The following TCF12 variants were observed in gnomAD, a reference collection of about 807,000 sequenced individuals.
TCF12 encodes transcription factor 12.
Under a neutral mutation model 86.0 loss-of-function variants are expected in TCF12, and 45 were observed. The observed-to-expected ratio is 0.52, with a 90% CI of 0.41 to 0.67. The LOEUF (loss-of-function observed/expected upper bound fraction) is 0.67, where lower values mean the gene tolerates loss of function less well. Ranked by LOEUF, TCF12 falls within the 30% of genes least tolerant of loss-of-function variation. TCF12 has a pLI of 0.00. For synonymous variants in TCF12, 330 were observed against 299.6 expected (o/e 1.10, Z -1.05); for missense variants, 881 against 859.9 (o/e 1.02, Z -0.31).
intron 3 of TCF12, among the ~76,000 whole-genome samples, chr15:56,928,859 A>C (rs571189158): frequency 6.6e-6 from 1 of 152,204 alleles, no homozygotes; most frequent in East Asian, 1.9e-4. Context: ...ACTGGAAAGG[A>C]TAGAACGCCT....
chr15:57,065,576 T>G (rs907159874), intron 4 of TCF12, among the ~76,000 whole-genome samples: 1 of 152,148 alleles, frequency 6.6e-6, no homozygotes, highest in African/African-American at 2.4e-5. Context: ...CATTAAATGG[T>G]GCCTGGGTGC....
intron 3 of TCF12, among the ~76,000 whole-genome samples, chr15:56,987,657 T>C (rs2063261704): frequency 6.6e-6 from 1 of 152,224 alleles, no homozygotes; most frequent in Non-Finnish European, 1.5e-5. Context: ...AAAAAGTTAT[T>C]TTTACATTTT....
At chr15:57,219,150 A>G (rs911079467) in intron 8 of TCF12, 1 of 1,067,900 alleles carries the variant, frequency 9.4e-7, no homozygotes, top group Non-Finnish European at 1.1e-6. Flanking sequence ...ATCTGTCAGT[A>G]TGCCTTCCTT....
At chr15:57,233,203 C>T (rs1469816940) in intron 11 of TCF12, among the ~76,000 whole-genome samples, 2 of 151,482 alleles carry the variant, frequency 1.3e-5, no homozygotes, top group Non-Finnish European at 2.9e-5. Flanking sequence ...GACAGAGTCT[C>T]TCTCTCTCAC....
intron 6 of TCF12, among the ~76,000 whole-genome samples, chr15:57,168,430 A>G (rs1306335636): frequency 6.6e-6 from 1 of 152,254 alleles, no homozygotes; most frequent in African/African-American, 2.4e-5. Context: ...TTTAAGGCCA[A>G]CCAAGATACA....
At chr15:57,024,645 A>G (rs1382673196) in intron 3 of TCF12, among the ~76,000 whole-genome samples, 5 of 152,238 alleles carry the variant, frequency 3.3e-5, no homozygotes, top group African/African-American at 1.2e-4. Context: ...AGCTGCTGCC[A>G]AAGGAGCTTG....
intron 4 of TCF12, among the ~76,000 whole-genome samples, chr15:57,090,416 T>C (rs2048919135): frequency 6.6e-6 from 1 of 152,224 alleles, no homozygotes; most frequent in Admixed American, 6.5e-5. Context: ...ATCACATGTC[T>C]ATCAGTAATT....
At chr15:57,115,737 G>A (rs536172250) in intron 5 of TCF12, among the ~76,000 whole-genome samples, 4 of 152,148 alleles carry the variant, frequency 2.6e-5, no homozygotes, top group African/African-American at 9.6e-5. Context: ...GAGAAGTTTT[G>A]TGCGAGAAAG....
Position 56,967,128 on chromosome 15 carries a change from C to T in TCF12, c.148+46030C>T, listed in dbSNP as rs55840425. On this transcript the variant is annotated intron_variant, in intron 3 of 20. Coordinates refer to ENST00000333725, the MANE Select transcript of TCF12 (RefSeq NM_207037.2). The stretch of plus-strand genomic sequence containing the variant: ...CAGAGCGAGACTCGGTCCCCCCGTG[C>T]CCTTCCCCTCCCCCACCAAAAAAAA... 9.3e-3 allele frequency among the ~76,000 whole-genome samples: 1,285 copies of T among 138,282 alleles called. 11 individuals carry two copies. Among genetic ancestry groups the T allele is most frequent in the Non-Finnish European group, 0.015 (980 of 66,220 alleles). 90.7% of individuals were successfully genotyped at this position (138,282 alleles called of 152,430 possible).
intron 11 of TCF12, among the ~76,000 whole-genome samples, chr15:57,233,719 T>G (rs1382169449): frequency 6.6e-6 from 1 of 151,968 alleles, no homozygotes; most frequent in East Asian, 1.9e-4. Context: ...TCAAGAGATC[T>G]GCCTGCCTCA....
intron 8 of TCF12, among the ~76,000 whole-genome samples, chr15:57,212,351 A>G (rs1410404054): frequency 6.6e-6 from 1 of 152,072 alleles, no homozygotes; most frequent in Non-Finnish European, 1.5e-5. Flanking sequence ...TGGCACAATC[A>G]TAGCTCACTG....
chr15:57,189,866 T>G (rs1248664666), intron 6 of TCF12, among the ~76,000 whole-genome samples: 1 of 152,196 alleles, frequency 6.6e-6, no homozygotes, highest in Admixed American at 6.5e-5. Flanking sequence ...ATAAACAGTT[T>G]GTGGTATAGC....
chr15:57,256,905 T>C (rs2152035598), intron 16 of TCF12, among the ~76,000 whole-genome samples: 1 of 152,330 alleles, frequency 6.6e-6, no homozygotes, highest in East Asian at 1.9e-4. Context: ...AGCATCCTAA[T>C]TGTAGGGTTT....
chr15:57,249,317 T>A (rs1198280046), intron 13 of TCF12, among the ~76,000 whole-genome samples: 1 of 152,172 alleles, frequency 6.6e-6, no homozygotes, highest in Non-Finnish European at 1.5e-5. Flanking sequence ...AATTTTAGAT[T>A]GTCCATAATT....
intron 20 of TCF12, among the ~76,000 whole-genome samples, chr15:57,283,426 G>A (rs1422032644): frequency 3.3e-5 from 5 of 151,934 alleles, no homozygotes; most frequent in African/African-American, 7.2e-5. Context: ...CACCATGCCC[G>A]GCTAATTTTT....
intron 3 of TCF12, among the ~76,000 whole-genome samples, chr15:57,008,145 C>G (rs1350217928): frequency 7.0e-6 from 1 of 143,814 alleles, no homozygotes; most frequent in South Asian, 2.2e-4. Context: ...TTTTTTTTTT[C>G]CCTGTAGAGA....
chr15:57,164,514 C>G (rs2054726158), intron 5 of TCF12, among the ~76,000 whole-genome samples: 1 of 152,044 alleles, frequency 6.6e-6, no homozygotes, highest in Non-Finnish European at 1.5e-5. Context: ...AACTCACTAT[C>G]ATAAGAACAG....
chr15:57,257,918 T>C (rs1352991537), intron 16 of TCF12, among the ~76,000 whole-genome samples: 1 of 152,162 alleles, frequency 6.6e-6, no homozygotes, highest in Non-Finnish European at 1.5e-5. Context: ...TTAGTTTTGT[T>C]CCCATTTATT....
intron 19 of TCF12, among the ~76,000 whole-genome samples, chr15:57,275,323 T>TGGGGGGGGGGGGGGGGGGGG (rs1239408414): frequency 7.3e-6 from 1 of 136,368 alleles, no homozygotes; most frequent in African/African-American, 2.7e-5. Context: ...CTTTGTAAGG[T>TGGGGGGGGGGGGGGGGGGGG]AGGGGTGTGT....
Sources: gnomAD v4.1 joint callset for allele counts (sites outside exome capture counted in the v4.1 genomes callset) on GRCh38, gnomAD v4.1.1 for gene constraint, MANE v1.5 for transcripts, NCBI Gene and HGNC (gene_info 2026-07-23, HGNC 2026-07-21) for gene names.